The following NIPAL4 variants were observed in gnomAD, a reference collection of about 807,000 sequenced individuals.
NIPAL4 encodes magnesium transporter NIPA4.
Under a neutral mutation model 31.6 loss-of-function variants are expected in NIPAL4, and 21 were observed. That is an observed-to-expected ratio of 0.67 (90% confidence interval 0.47 to 0.96). The LOEUF is 0.96. NIPAL4 is among the 40% of genes least tolerant of loss of function. The pLI, the probability that NIPAL4 is intolerant of heterozygous loss-of-function variation, is 0.00. For missense variants in NIPAL4, 438 were observed against 508.0 expected, an observed-to-expected ratio of 0.86 and a Z score of 1.32; for synonymous variants, 175 against 211.1, an observed-to-expected ratio of 0.83 and a Z score of 1.48.
chr5:157,470,527 A>G (rs1233513954), intron 4 of NIPAL4, among the ~76,000 whole-genome samples: 1 of 152,178 alleles, frequency 6.6e-6, no homozygotes, highest in Non-Finnish European at 1.5e-5. Flanking sequence ...TCAACTGGAG[A>G]TAGTATATTT....
rs1486334490 is a variant in NIPAL4 at position 157,473,668 on chromosome 5, C to T, written c.*708C>T. On this transcript the variant is annotated 3_prime_UTR_variant, in exon 6 of 6. Transcript: ENST00000311946. ...TCCATCCCACCATCACCCCTTCCCCCTCTACTTACATCCTAAGGAGTCGGT... is the reference window on the plus strand; with the variant it reads ...TCCATCCCACCATCACCCCTTCCCCTTCTACTTACATCCTAAGGAGTCGGT... 1 of 152,372 alleles carries T rather than the reference C, an allele frequency of 6.6e-6. No individual in the cohort carries two copies. Among genetic ancestry groups the T allele is most frequent in the Non-Finnish European group, 1.5e-5 (1 of 68,078 alleles). 9.4% of individuals were successfully genotyped at this position (152,372 alleles called of 1,614,324 possible).
Position 157,472,830 on chromosome 5 carries a change from C to T in NIPAL4, c.1085C>T (p.Pro362Leu), listed in dbSNP as rs529136165. 36 of 1,596,182 alleles carry T rather than the reference C, an allele frequency of 2.3e-5. No homozygotes were observed. The South Asian group carries it at 3.7e-4, about 17-fold the overall frequency. Residue 362 changes from proline (P) to leucine (L), a missense_variant, in exon 6 of 6, where the codon CCA becomes CTA. By Grantham distance (98) the Pro-to-Leu change is moderately conservative. Transcript: ENST00000311946. ...AGCTTGCCCCACATGCACAAAAACC[C>T]ACCCCCTTCTCCCGCCCCGGAACCC... is the stretch of plus-strand genomic sequence containing the variant. ...CASLPHMHKN[P>L]PPSPAPEPTV...
chr5:157,467,466 GTTAATGTGTTGGCCCAC>G, intron 3 of NIPAL4: 1 of 286,190 alleles, frequency 3.5e-6, no homozygotes, highest in Non-Finnish European at 7.0e-6. Flanking sequence ...TCCGCAGGCA[GTTAATGTGTTGGCCCAC>G]TTAGAACATA....
At chr5:157,464,218 C>G (rs146186939) in intron 2 of NIPAL4, among the ~76,000 whole-genome samples, 4 of 152,036 alleles carry the variant, frequency 2.6e-5, no homozygotes, top group Non-Finnish European at 5.9e-5. Context: ...AGGAATAACA[C>G]GTGCAAAGGC....
At chr5:157,460,586 C>T (rs755677450) in intron 1 of NIPAL4, 2 of 696,786 alleles carry the variant, frequency 2.9e-6, no homozygotes, top group African/African-American at 3.5e-5. Flanking sequence ...GAAAGTATGT[C>T]CCCTGGGTTG....
intron 4 of NIPAL4, among the ~76,000 whole-genome samples, chr5:157,471,326 T>C (rs868071772): frequency 5.9e-5 from 9 of 152,212 alleles, no homozygotes; most frequent in Admixed American, 4.6e-4. Flanking sequence ...CAGCACATAC[T>C]AAGCCCTCCA....
Position 157,460,357 on chromosome 5 carries a change from G to C in NIPAL4, c.37G>C (p.Gly13Arg). The change falls in exon 1 of 6, where the codon GGT becomes CGT. Residue 13 changes from glycine (G) to arginine (R), a missense_variant and splice_region_variant. Transcript: ENST00000311946. ...LRVSNTSCEN[G>R]SLLHLYCSSQ... ...GGTCAGCAACACCAGCTGCGAGAAC[G>C]GTGCGTACGGCAGGGCTGGGGACCA... 2 of 1,544,920 alleles carry C rather than the reference G, an allele frequency of 1.3e-6. No homozygotes were observed. The highest frequency in any genetic ancestry group is 1.7e-6 in the Non-Finnish European group (2 of 1,145,662).
intron 3 of NIPAL4, 46 bp downstream of exon 3, chr5:157,467,151 G>A (rs961057265): frequency 3.7e-6 from 5 of 1,361,782 alleles, no homozygotes; most frequent in African/African-American, 1.4e-5. Flanking sequence ...ATTGATAGCA[G>A]GGCTGGAGAC....
intron 4 of NIPAL4, among the ~76,000 whole-genome samples, chr5:157,469,194 C>G (rs1754360450): frequency 6.6e-6 from 1 of 152,180 alleles, no homozygotes; most frequent in Non-Finnish European, 1.5e-5. Context: ...GTCACGTTAC[C>G]ATAGGCAAGT....
intron 1 of NIPAL4, among the ~76,000 whole-genome samples, chr5:157,461,757 T>C (rs1325168271): frequency 1.3e-5 from 2 of 152,198 alleles, no homozygotes; most frequent in East Asian, 3.8e-4. Flanking sequence ...GGGTGCTGGA[T>C]CCAGATCTTT....
chr5:157,462,988 C>T (rs965699858), intron 1 of NIPAL4, 106 bp from the exon 2 acceptor site: 3 of 1,434,342 alleles, frequency 2.1e-6, no homozygotes, highest in Non-Finnish European at 2.9e-6. Flanking sequence ...TGGGTATAGC[C>T]CTGCAGTAGC....
chr5:157,472,387 C>G lies in NIPAL4; in HGVS notation c.642C>G (p.Val214=), dbSNP rs752199594. Reference sequence around the variant, plus strand: ...TGTCATGCCTCATCCTCATCTTTGTCATTGCCCCACGTTACGGGCAAAGGA... The same window carrying G: ...TGTCATGCCTCATCCTCATCTTTGTGATTGCCCCACGTTACGGGCAAAGGA... ...LLVSCLILIF[V]IAPRYGQRNI... Residue 214 remains valine (V), a synonymous_variant, in exon 6 of 6, where the codon GTC becomes GTG. Coordinates refer to ENST00000311946, the MANE Select transcript of NIPAL4 (RefSeq NM_001099287.2). 1 of 1,612,568 alleles carries G rather than the reference C, an allele frequency of 6.2e-7. No individual in the cohort carries two copies. The highest frequency in any genetic ancestry group is 8.5e-7 in the Non-Finnish European group (1 of 1,179,276).
At position 157,471,514 on chromosome 5, in the gene NIPAL4, T is replaced by C. The variant is rs1292152661; in HGVS notation, c.426-143T>C. 2.2e-5 allele frequency: 14 copies of C among 648,976 alleles called. No homozygotes were observed. The East Asian group carries it at 4.0e-4, about 18-fold the overall frequency. 40.2% of individuals were successfully genotyped at this position (648,976 alleles called of 1,614,324 possible). A position where few individuals can be genotyped will look rare whatever the true frequency, so the allele number is the denominator to read the frequency against. Reference sequence around the variant, plus strand: ...TGATTTGCCCATGGTAACGTAAGTTTTTTTGGAAGAAAACCTTCCACGTGA... The same window carrying C: ...TGATTTGCCCATGGTAACGTAAGTTCTTTTGGAAGAAAACCTTCCACGTGA... On this transcript the variant is annotated intron_variant, in intron 4 of 5. Transcript: ENST00000311946.
chr5:157,460,616 G>T (rs748939791), intron 1 of NIPAL4: 1 of 625,598 alleles, frequency 1.6e-6, no homozygotes, highest in South Asian at 1.5e-5. Flanking sequence ...GTTAGTGGGG[G>T]GCAGGCATTT....
chr5:157,463,098 C>G lies in NIPAL4; in HGVS notation c.42C>G (p.Ser14=). ...CACTGTGGTCTTCCCATCCAGGTTC[C>G]CTGCTCCACCTCTACTGCTCCTCCC... ...RVSNTSCENG[S]LLHLYCSSQE... The change falls in exon 2 of 6, where the codon TCC becomes TCG. Residue 14 remains serine (S), a synonymous_variant. Transcript: ENST00000311946. 2.5e-6 allele frequency: 4 copies of G among 1,613,888 alleles called. No homozygotes were observed. The highest frequency in any genetic ancestry group is 3.4e-6 in the Non-Finnish European group (4 of 1,179,770).
intron 1 of NIPAL4, among the ~76,000 whole-genome samples, chr5:157,462,800 G>C (rs561190843): frequency 6.6e-6 from 1 of 152,300 alleles, no homozygotes; most frequent in African/African-American, 2.4e-5. Context: ...AGAATTATTG[G>C]CTATTCTTTG....
Position 157,472,828 on chromosome 5 carries a change from C to T in NIPAL4, c.1083C>T (p.Asn361=), listed in dbSNP as rs748848639. 8 of 1,597,578 alleles carry T rather than the reference C, an allele frequency of 5.0e-6. No individual in the cohort carries two copies. In the East Asian group the frequency reaches 1.6e-4, roughly 31 times the overall value. ...SCASLPHMHK[N]PPPSPAPEPT... is the part of the protein sequence containing the mutation. ...CCAGCTTGCCCCACATGCACAAAAA[C>T]CCACCCCCTTCTCCCGCCCCGGAAC... Residue 361 remains asparagine (N), a synonymous_variant, in exon 6 of 6, where the codon AAC becomes AAT. Transcript: ENST00000311946.
rs1454658835 is a variant in NIPAL4, at chr5:157,472,960, A to G, written c.1215A>G (p.Ter405TrpextTer69). The change falls in exon 6 of 6, where the codon TGA (stop) becomes TGG (tryptophan). Residue 405 changes from the stop codon to tryptophan (W), a stop_lost. Coordinates refer to ENST00000311946, the MANE Select transcript of NIPAL4 (RefSeq NM_001099287.2). ...CCAAAGTATTTATAATCCATTCCTG[A>G]AGCTTGGAATATGTGAGTGAGAGGA... is the stretch of plus-strand genomic sequence containing the variant. ...EKPKVFIIHS[*>W] 2 of 1,510,508 alleles carry G rather than the reference A, an allele frequency of 1.3e-6. No individual in the cohort carries two copies. Among genetic ancestry groups the G allele is most frequent in the Non-Finnish European group, 1.8e-6 (2 of 1,132,232 alleles). The allele number at this position is 1,510,508 out of a possible 1,614,324, so 93.6% of individuals were successfully genotyped here. A position where few individuals can be genotyped will look rare whatever the true frequency, so the allele number is the denominator to read the frequency against.
chr5:157,466,093 G>C (rs1056566358), intron 2 of NIPAL4, among the ~76,000 whole-genome samples: 1 of 152,088 alleles, frequency 6.6e-6, no homozygotes, highest in African/African-American at 2.4e-5. Flanking sequence ...GTGGGAGGGA[G>C]GGAGAGAAGG....
Sources: gnomAD v4.1 joint callset for allele counts (sites outside exome capture counted in the v4.1 genomes callset) on GRCh38, gnomAD v4.1.1 for gene constraint, MANE v1.5 for transcripts, NCBI Gene and HGNC (gene_info 2026-07-23, HGNC 2026-07-21) for gene names.